The following MAP2K3 variants were observed in gnomAD, a reference collection of about 807,000 sequenced individuals.
MAP2K3 encodes the protein dual specificity mitogen-activated protein kinase kinase 3.
In MAP2K3, 30 loss-of-function variants were observed where a neutral mutation model predicts 46.4. The observed-to-expected ratio is 0.65, with a 90% CI of 0.48 to 0.88. The LOEUF (loss-of-function observed/expected upper bound fraction) is 0.88, where lower values mean the gene tolerates loss of function less well. MAP2K3 is among the 40% of genes least tolerant of loss of function. The pLI is 0.00. For synonymous variants in MAP2K3, 189 were observed against 176.3 expected (o/e 1.07, Z -0.57); for missense variants, 380 against 464.5 (o/e 0.82, Z 1.67).
chr17:21,296,098 T>C (rs761428341), intron 1 of MAP2K3: 8 of 1,289,394 alleles, frequency 6.2e-6, no homozygotes, highest in Non-Finnish European at 1.0e-6. Context: ...AGGCTGGTCA[T>C]ATCCATGGTG....
rs1042002946 is a variant in MAP2K3, at chr17:21,298,863, C to A, written c.117-15C>A. 6.2e-7 allele frequency: 1 copy of A among 1,614,312 alleles called. No homozygotes were observed. Among genetic ancestry groups the A allele is most frequent in the Non-Finnish European group, 8.5e-7 (1 of 1,180,054 alleles). On this transcript the variant is annotated splice_polypyrimidine_tract_variant and intron_variant, in intron 2 of 11. Transcript: ENST00000342679. ...TGGTTCTCTCTGAAGCTCACGGAGT[C>A]TTCTTTCTCCACAGACCCCCCCGGA...
chr17:21,312,846 C>T (rs1977229286), intron 10 of MAP2K3, among the ~76,000 whole-genome samples: 7 of 150,464 alleles, frequency 4.7e-5, no homozygotes, highest in African/African-American at 2.5e-5. Flanking sequence ...ACCCGGGAGC[C>T]GGAGGTTGCA....
At chr17:21,313,455 C>T in intron 10 of MAP2K3, 37 bp from the exon 11 acceptor site, 4 of 1,601,908 alleles carry the variant, frequency 2.5e-6, no homozygotes, top group African/African-American at 1.3e-5. Context: ...GGCTTCCTCC[C>T]TGCCAGCCTG....
intron 1 of MAP2K3, among the ~76,000 whole-genome samples, chr17:21,289,342 G>A (rs1053502592): frequency 2.0e-5 from 3 of 152,140 alleles, no homozygotes; most frequent in African/African-American, 7.2e-5. Flanking sequence ...GGAAGGTGGG[G>A]TGGGACTGGG....
intron 5 of MAP2K3, among the ~76,000 whole-genome samples, chr17:21,301,768 C>G (rs995898001): frequency 1.3e-5 from 2 of 152,308 alleles, no homozygotes; most frequent in Non-Finnish European, 2.9e-5. Context: ...AGCCATCTGC[C>G]AGGGTCAGCT....
Position 21,298,465 on chromosome 17 carries a change from C to G in MAP2K3, c.102C>G (p.Pro34=), listed in dbSNP as rs145057136. 3.8e-4 allele frequency: 616 copies of G among 1,612,982 alleles called. No homozygotes were observed. The highest frequency in any genetic ancestry group is 4.9e-4 in the Non-Finnish European group (583 of 1,178,898). ...DLRISCMSKP[P]APNPTPPRNL... ...GGATATCCTGCATGTCCAAGCCACC[C>G]GCACCCAACCCCACGTGAGTCTGCC... Residue 34 remains proline, a synonymous_variant, in exon 2 of 12, where the codon CCC becomes CCG. Transcript: ENST00000342679.
chr17:21,301,026 C>T (rs368379110), intron 5 of MAP2K3, 33 bp downstream of exon 5: 198 of 1,613,550 alleles, frequency 1.2e-4, no homozygotes, highest in Admixed American at 3.0e-4. Flanking sequence ...TGGGGATCTC[C>T]ACCTCCCACC....
At chr17:21,291,686 AC>A in intron 1 of MAP2K3, 1 of 425,980 alleles carries the variant, frequency 2.3e-6, no homozygotes, top group Non-Finnish European at 4.7e-6. Context: ...CACCGATCTG[AC>A]CCCTTTTGTG....
intron 3 of MAP2K3, 137 bp from the exon 4 acceptor site, chr17:21,300,408 G>A (rs1976526079): frequency 3.5e-6 from 3 of 853,700 alleles, no homozygotes; most frequent in Admixed American, 4.3e-5. Context: ...TCACACAGCA[G>A]GGAGCGGTGG....
Position 21,295,986 on chromosome 17 carries a change from G to C in MAP2K3, c.50-2427G>C, listed in dbSNP as rs1976223182. 5 of 1,267,800 alleles carry C rather than the reference G, an allele frequency of 3.9e-6. No homozygotes were observed. In the Admixed American group the frequency reaches 9.4e-5, roughly 24 times the overall value. The allele number at this position is 1,267,800 out of a possible 1,614,324, so 78.5% of individuals were successfully genotyped here. On this transcript the variant is annotated intron_variant, in intron 1 of 11. Coordinates refer to ENST00000342679, the MANE Select transcript of MAP2K3 (RefSeq NM_145109.3). ...CTGTGCAGAGCTTTAATTTTTAACA[G>C]AAAATATTTTATATTCTGGTTACGA...
At position 21,314,488 on chromosome 17, in the gene MAP2K3, G is replaced by T. The variant is rs1977316139; in HGVS notation, c.*258G>T. The T allele has an allele frequency of 3.8e-6, 2 of 523,364 alleles. No individual in the cohort carries two copies. Among genetic ancestry groups the T allele is most frequent in the Non-Finnish European group, 6.9e-6 (2 of 288,738 alleles). The allele number at this position is 523,364 out of a possible 1,614,324, so 32.4% of individuals were successfully genotyped here. A position where few individuals can be genotyped will look rare whatever the true frequency, so the allele number is the denominator to read the frequency against. On this transcript the variant is annotated 3_prime_UTR_variant, in exon 12 of 12. Transcript: ENST00000342679. ...CTGCTCCTAGGACCCGTCTCCAGCT[G>T]CTGAGATCCTGGACTGAGGGGGCCT...
At chr17:21,295,722 A>G in intron 1 of MAP2K3, 1 of 1,289,578 alleles carries the variant, frequency 7.8e-7, no homozygotes, top group Non-Finnish European at 1.0e-6. Flanking sequence ...GCCTGCGAGG[A>G]GCGTGGTCCC....
intron 1 of MAP2K3, among the ~76,000 whole-genome samples, chr17:21,294,929 T>C (rs1038890947): frequency 1.3e-5 from 2 of 152,302 alleles, no homozygotes; most frequent in Admixed American, 6.5e-5. Flanking sequence ...CCAGAGTGAG[T>C]GCTCACAGGT....
chr17:21,297,998 T>C (rs2095764163), intron 1 of MAP2K3, among the ~76,000 whole-genome samples: 9 of 122,060 alleles, frequency 7.4e-5, no homozygotes, highest in South Asian at 2.6e-4. Flanking sequence ...TCCTGCTACC[T>C]GCAGCTAATG....
chr17:21,301,329 GT>G (rs1976588536), intron 5 of MAP2K3, among the ~76,000 whole-genome samples: 1 of 152,310 alleles, frequency 6.6e-6, no homozygotes, highest in Non-Finnish European at 1.5e-5. Context: ...GGGGCGTGGG[GT>G]GCCCAAGCAG....
rs556765552 is a variant in MAP2K3 at position 21,288,036 on chromosome 17, A to G, written c.49+3067A>G. The G allele has an allele frequency of 7.5e-5, 97 of 1,289,044 alleles. 1 individual carries two copies. In the South Asian group the frequency reaches 1.2e-3, roughly 16 times the overall value. 79.9% of individuals were successfully genotyped at this position (1,289,044 alleles called of 1,614,324 possible). A position where few individuals can be genotyped will look rare whatever the true frequency, so the allele number is the denominator to read the frequency against. ...CCATGGCCCAGCGCCCAAAGGGAGC[A>G]AAGTTCTCAGTTGGCCCGTGTGAGG... On this transcript the variant is annotated intron_variant, in intron 1 of 11. Transcript: ENST00000342679.
rs949510409 is a variant in MAP2K3, at chr17:21,315,015, G to A, written c.*785G>A. The stretch of plus-strand genomic sequence containing the variant: ...CTGCTCAGGCTGGGGTCCAGTGGGA[G>A]GGGCCCAAGATCTCTGCTCAGAGAA... On this transcript the variant is annotated 3_prime_UTR_variant, in exon 12 of 12. Transcript: ENST00000342679. 1 of 152,728 alleles carries A rather than the reference G, an allele frequency of 6.5e-6. No homozygotes were observed. The highest frequency in any genetic ancestry group is 1.5e-5 in the Non-Finnish European group (1 of 68,116). 9.5% of individuals were successfully genotyped at this position (152,728 alleles called of 1,614,324 possible).
At chr17:21,298,815 A>C (rs991562288) in intron 2 of MAP2K3, 63 bp from the exon 3 acceptor site, 3 of 1,611,572 alleles carry the variant, frequency 1.9e-6, no homozygotes, top group Non-Finnish European at 2.5e-6. Flanking sequence ...TGGCCCATCT[A>C]CTGCTGCACT....
At chr17:21,296,900 A>AGCTGCTGCTGCTGCT (rs3035372) in intron 1 of MAP2K3, among the ~76,000 whole-genome samples, 1 of 150,280 alleles carries the variant, frequency 6.7e-6, no homozygotes, top group Non-Finnish European at 1.5e-5. Context: ...ATGTGGCGGC[A>AGCTGCTGCTGCTGCT]GCTGCTGCTG....
Sources: allele counts gnomAD v4.1 joint callset (sites outside exome capture counted in the v4.1 genomes callset), GRCh38; gene constraint gnomAD v4.1.1; transcripts MANE v1.5; gene names NCBI Gene and HGNC (gene_info 2026-07-23, HGNC 2026-07-21).